Variants in ETV6 observed in about 807,000 individuals in gnomAD.
The protein encoded by ETV6 is transcription factor ETV6.
Under a neutral mutation model 51.1 loss-of-function variants are expected in ETV6, and 16 were observed. The ratio of observed to expected loss-of-function variants is 0.31; its 90% CI spans 0.21 to 0.48. The LOEUF (loss-of-function observed/expected upper bound fraction) is 0.48, where lower values mean the gene tolerates loss of function less well. ETV6 is among the 20% of genes least tolerant of loss of function. The probability of loss-of-function intolerance (pLI) is 0.99; values close to 1 mark genes in which losing one functional copy is unlikely to be tolerated. For missense variants in ETV6, 458 were observed against 594.8 expected, an observed-to-expected ratio of 0.77 and a Z score of 2.39; for synonymous variants, 240 against 224.1, an observed-to-expected ratio of 1.07 and a Z score of -0.64.
chr12:11,872,687 G>A (rs993607398), intron 5 of ETV6, among the ~76,000 whole-genome samples: 8 of 151,838 alleles, frequency 5.3e-5, no homozygotes, highest in African/African-American at 1.7e-4. Context: ...GTAAAGACGG[G>A]GTTTCACCGT....
intron 2 of ETV6, among the ~76,000 whole-genome samples, chr12:11,829,316 A>ATCTC: frequency 6.6e-6 from 1 of 152,326 alleles, no homozygotes; most frequent in East Asian, 1.9e-4. Flanking sequence ...ACTGTGCAAC[A>ATCTC]TCTCTATAGG....
At chr12:11,687,485 C>T (rs989365725) in intron 1 of ETV6, among the ~76,000 whole-genome samples, 3 of 152,138 alleles carry the variant, frequency 2.0e-5, no homozygotes, top group Non-Finnish European at 4.4e-5. Flanking sequence ...AGCGCCACAC[C>T]CCCTTTTTTT....
intron 1 of ETV6, among the ~76,000 whole-genome samples, chr12:11,705,836 G>A (rs1865064089): frequency 6.6e-6 from 1 of 152,238 alleles, no homozygotes; most frequent in African/African-American, 2.4e-5. Context: ...TCTCCACCAT[G>A]AGAAAGCAGG....
At chr12:11,742,531 G>T (rs1444195001) in intron 1 of ETV6, among the ~76,000 whole-genome samples, 1 of 152,158 alleles carries the variant, frequency 6.6e-6, no homozygotes, top group Non-Finnish European at 1.5e-5. Context: ...AAGATTGTTT[G>T]TATGTTACTT....
intron 5 of ETV6, among the ~76,000 whole-genome samples, chr12:11,873,461 G>A (rs918260127): frequency 2.0e-5 from 3 of 151,902 alleles, no homozygotes; most frequent in African/African-American, 7.3e-5. Flanking sequence ...GCCATAAAAA[G>A]CCTTTAAATC....
intron 1 of ETV6, among the ~76,000 whole-genome samples, chr12:11,725,563 T>C (rs1355936509): frequency 2.0e-5 from 3 of 152,208 alleles, no homozygotes; most frequent in Admixed American, 2.0e-4. Flanking sequence ...TCTGTATTAC[T>C]TCAGATGTTG....
intron 2 of ETV6, among the ~76,000 whole-genome samples, chr12:11,754,295 C>T (rs2051527): frequency 0.17 from 26,273 of 152,094 alleles, 2,432 homozygotes; most frequent in South Asian, 0.25. Flanking sequence ...TCTTGTGGAA[C>T]TTAAATTCTA....
At chr12:11,855,139 C>CAAAAAAAA in intron 4 of ETV6, among the ~76,000 whole-genome samples, 1 of 138,038 alleles carries the variant, frequency 7.2e-6, no homozygotes, top group African/African-American at 2.7e-5. Context: ...ACTAAAAATA[C>CAAAAAAAA]AAAAAAAAAA....
intron 1 of ETV6, among the ~76,000 whole-genome samples, chr12:11,710,730 C>T (rs1400383227): frequency 1.3e-5 from 2 of 152,132 alleles, no homozygotes. Flanking sequence ...TAATGAGGGT[C>T]GTTGATAGGA....
intron 1 of ETV6, among the ~76,000 whole-genome samples, chr12:11,702,371 A>T (rs118172393): frequency 6.6e-6 from 1 of 152,154 alleles, no homozygotes. Context: ...TATTATACCC[A>T]TAGTGGCAAG....
intron 1 of ETV6, among the ~76,000 whole-genome samples, chr12:11,651,345 A>G (rs1296666900): frequency 6.6e-6 from 1 of 152,196 alleles, no homozygotes; most frequent in Non-Finnish European, 1.5e-5. Context: ...TTTCAATTAG[A>G]GTCTGTGTAG....
chr12:11,847,468 G>A (rs995861567), intron 3 of ETV6, among the ~76,000 whole-genome samples: 3 of 152,238 alleles, frequency 2.0e-5, no homozygotes, highest in South Asian at 4.1e-4. Flanking sequence ...AAGAAGGGCA[G>A]GTGAGAGACC....
chr12:11,777,313 T>C (rs1945343809), intron 2 of ETV6, among the ~76,000 whole-genome samples: 1 of 150,514 alleles, frequency 6.6e-6, no homozygotes, highest in African/African-American at 2.4e-5. Flanking sequence ...AGGGTACAAA[T>C]CTCTCTCTTC....
At chr12:11,762,058 C>A (rs1254948808) in intron 2 of ETV6, among the ~76,000 whole-genome samples, 1 of 152,232 alleles carries the variant, frequency 6.6e-6, no homozygotes, top group Non-Finnish European at 1.5e-5. Flanking sequence ...GGAAATCCAA[C>A]ACCCAGCTCT....
intron 1 of ETV6, among the ~76,000 whole-genome samples, chr12:11,732,322 G>A (rs772976389): frequency 6.6e-6 from 1 of 152,060 alleles, no homozygotes; most frequent in Non-Finnish European, 1.5e-5. Context: ...CCTGATTTCC[G>A]AAACAAGAAG....
At position 11,747,198 on chromosome 12, in the gene ETV6, A is replaced by G. The variant is rs191576723; in HGVS notation, c.34-5252A>G. ...ACCCATCCTCATTTTCACAGGGTACACTCATTTTTTTCCCCTTGGAAGTAC... is the reference window on the plus strand; with the variant it reads ...ACCCATCCTCATTTTCACAGGGTACGCTCATTTTTTTCCCCTTGGAAGTAC... On this transcript the variant is annotated intron_variant, in intron 1 of 7. Transcript: ENST00000396373. 3.3e-5 allele frequency among the ~76,000 whole-genome samples: 5 copies of G among 152,252 alleles called. 1 individual carries two copies. The highest frequency in any genetic ancestry group is 2.0e-4 in the Admixed American group (3 of 15,296).
intron 2 of ETV6, among the ~76,000 whole-genome samples, chr12:11,791,759 T>C (rs982356857): frequency 1.4e-4 from 22 of 152,012 alleles, no homozygotes; most frequent in Non-Finnish European, 2.8e-4. Context: ...TTCATTGATA[T>C]TGTTATATGC....
chr12:11,792,547 CGTG>C (rs1195358268), intron 2 of ETV6, among the ~76,000 whole-genome samples: 1 of 152,018 alleles, frequency 6.6e-6, no homozygotes, highest in African/African-American at 2.4e-5. Flanking sequence ...ATTAGCCAGG[CGTG>C]GTGGCGCACG....
At chr12:11,863,646 C>A (rs1302128460) in intron 4 of ETV6, among the ~76,000 whole-genome samples, 1 of 152,188 alleles carries the variant, frequency 6.6e-6, no homozygotes, top group Admixed American at 6.5e-5. Context: ...CCAAAAAAAT[C>A]TTCTTGTTTT....
Sources: gnomAD v4.1 joint callset for allele counts (sites outside exome capture counted in the v4.1 genomes callset) on GRCh38, gnomAD v4.1.1 for gene constraint, MANE v1.5 for transcripts, NCBI Gene and HGNC (gene_info 2026-07-23, HGNC 2026-07-21) for gene names.